The following PHACTR1 variants were observed in gnomAD, a reference collection of about 807,000 sequenced individuals.
PHACTR1 encodes phosphatase and actin regulator 1, also known as RPEL repeat containing 1.
A neutral mutation model predicts 69.2 loss-of-function variants in PHACTR1; 16 were observed. The ratio of observed to expected loss-of-function variants is 0.23; its 90% CI spans 0.16 to 0.35. PHACTR1 has a LOEUF of 0.35. Ranked by LOEUF, PHACTR1 falls within the 10% of genes least tolerant of loss-of-function variation. The pLI, the probability that PHACTR1 is intolerant of heterozygous loss-of-function variation, is 1.00. For synonymous variants in PHACTR1, 312 were observed against 284.5 expected (o/e 1.10, Z -0.97); for missense variants, 510 against 734.7 (o/e 0.69, Z 3.54).
intron 10 of PHACTR1, among the ~76,000 whole-genome samples, chr6:13,249,619 T>G (rs1412416488): frequency 6.6e-6 from 1 of 151,990 alleles, no homozygotes; most frequent in Non-Finnish European, 1.5e-5. Context: ...GCTAACATGG[T>G]GAAACCTCAT....
At chr6:13,040,263 CCTATTTCT>C (rs377038796) in intron 4 of PHACTR1, among the ~76,000 whole-genome samples, 48 of 152,246 alleles carry the variant, frequency 3.2e-4, no homozygotes, top group African/African-American at 1.0e-3. Flanking sequence ...TTGACATCAG[CCTATTTCT>C]CTATTTCTCT....
chr6:13,230,367 C>T, intron 10 of PHACTR1, 174 bp downstream of exon 10: 2 of 1,409,040 alleles, frequency 1.4e-6, no homozygotes, highest in South Asian at 1.3e-5. Context: ...GCCTGGCCAA[C>T]ATGGTGAAAC....
chr6:12,862,418 G>A (rs1485160545), intron 4 of PHACTR1, among the ~76,000 whole-genome samples: 1 of 152,090 alleles, frequency 6.6e-6, no homozygotes, highest in East Asian at 1.9e-4. Flanking sequence ...CACTAGATCT[G>A]GGAGACTGTG....
intron 4 of PHACTR1, among the ~76,000 whole-genome samples, chr6:12,851,389 T>C (rs1036182155): frequency 3.9e-5 from 6 of 152,236 alleles, no homozygotes; most frequent in African/African-American, 1.2e-4. Context: ...TGGGTTTTGA[T>C]GGCGTTAGAA....
intron 3 of PHACTR1, among the ~76,000 whole-genome samples, chr6:12,740,922 A>G (rs1764947727): frequency 6.6e-6 from 1 of 151,930 alleles, no homozygotes; most frequent in South Asian, 2.1e-4. Context: ...CTGGAGCTTA[A>G]TTAATCATTG....
chr6:12,837,744 A>G (rs1041533633), intron 4 of PHACTR1, among the ~76,000 whole-genome samples: 2 of 152,242 alleles, frequency 1.3e-5, no homozygotes, highest in African/African-American at 2.4e-5. Flanking sequence ...TCACAAAATT[A>G]TTGGGAGTGC....
intron 4 of PHACTR1, among the ~76,000 whole-genome samples, chr6:12,828,208 G>T (rs948258624): frequency 6.6e-6 from 1 of 152,056 alleles, no homozygotes; most frequent in Non-Finnish European, 1.5e-5. Flanking sequence ...TAAAATTCTC[G>T]GCTTAAAGTG....
chr6:13,238,262 G>T (rs1295781612), intron 10 of PHACTR1, among the ~76,000 whole-genome samples: 1 of 152,188 alleles, frequency 6.6e-6, no homozygotes, highest in East Asian at 1.9e-4. Context: ...CTGGCACTAA[G>T]CCCCATGGGG....
At chr6:13,025,649 A>C (rs559091034) in intron 4 of PHACTR1, among the ~76,000 whole-genome samples, 2 of 150,960 alleles carry the variant, frequency 1.3e-5, no homozygotes, top group Admixed American at 1.3e-4. Flanking sequence ...AGTCAGGCAT[A>C]ACCAGATAAG....
chr6:12,971,889 G>A (rs1794255198), intron 4 of PHACTR1, among the ~76,000 whole-genome samples: 2 of 152,170 alleles, frequency 1.3e-5, no homozygotes, highest in Admixed American at 6.5e-5. Context: ...TATTAATGAT[G>A]CAGATACAAG....
chr6:13,213,620 T>C (rs1473774779), intron 8 of PHACTR1, among the ~76,000 whole-genome samples: 3 of 152,198 alleles, frequency 2.0e-5, no homozygotes, highest in African/African-American at 7.2e-5. Flanking sequence ...AGTGGGGCTT[T>C]GAAAAGGTGA....
chr6:12,725,268 C>G (rs928473311), intron 3 of PHACTR1, among the ~76,000 whole-genome samples: 1 of 152,180 alleles, frequency 6.6e-6, no homozygotes. Context: ...CTCTAAACCT[C>G]TAGGACTTCA....
intron 10 of PHACTR1, among the ~76,000 whole-genome samples, chr6:13,261,836 G>C (rs926862076): frequency 1.3e-5 from 2 of 152,214 alleles, no homozygotes; most frequent in African/African-American, 4.8e-5. Flanking sequence ...CAGTTAGACA[G>C]ACAAAGAGGA....
chr6:12,752,375 T>C (rs1244404433), intron 4 of PHACTR1, among the ~76,000 whole-genome samples: 1 of 152,248 alleles, frequency 6.6e-6, no homozygotes, highest in East Asian at 1.9e-4. Flanking sequence ...AGAGATAATT[T>C]TGTTTATGTC....
At chr6:12,942,631 C>T (rs1427928635) in intron 4 of PHACTR1, among the ~76,000 whole-genome samples, 1 of 152,140 alleles carries the variant, frequency 6.6e-6, no homozygotes, top group African/African-American at 2.4e-5. Flanking sequence ...TGCACTCCAG[C>T]CTGGGCGACA....
chr6:13,256,618 C>A (rs1278589587), intron 10 of PHACTR1, among the ~76,000 whole-genome samples: 3 of 152,248 alleles, frequency 2.0e-5, no homozygotes, highest in Admixed American at 2.0e-4. Flanking sequence ...GAAATTTCTT[C>A]TGCCAGATAC....
chr6:12,779,008 CAT>C (rs1369242464), intron 4 of PHACTR1, among the ~76,000 whole-genome samples: 1 of 152,144 alleles, frequency 6.6e-6, no homozygotes, highest in African/African-American at 2.4e-5. Flanking sequence ...TGACATCCTG[CAT>C]AACTGTACAT....
intron 4 of PHACTR1, among the ~76,000 whole-genome samples, chr6:12,824,702 C>T (rs1776597468): frequency 6.6e-6 from 1 of 152,164 alleles, no homozygotes; most frequent in African/African-American, 2.4e-5. Flanking sequence ...TTCATTTCTT[C>T]TCAACCATGT....
chr6:13,170,429 T>C lies in PHACTR1; in HGVS notation c.496+10145T>C, dbSNP rs528990308. On this transcript the variant is annotated intron_variant, in intron 6 of 14. Transcript: ENST00000332995. ...ATGGCAGGGCAGGGTACGTGGGGCA[T>C]AGTGGGCATCAATGCCTCATCCACA... is the stretch of plus-strand genomic sequence containing the variant. Among the ~76,000 whole-genome samples the C allele has an allele frequency of 1.8e-3, 274 of 152,252 alleles. 3 individuals carry two copies. Among genetic ancestry groups the C allele is most frequent in the Admixed American group, 0.016 (247 of 15,298 alleles).
Sources: allele counts gnomAD v4.1 joint callset (sites outside exome capture counted in the v4.1 genomes callset), GRCh38; gene constraint gnomAD v4.1.1; transcripts MANE v1.5; gene names NCBI Gene and HGNC (gene_info 2026-07-23, HGNC 2026-07-21).